Variants in CELF2 observed in about 807,000 individuals in gnomAD.
The protein encoded by CELF2 is CUG triplet repeat RNA-binding protein 2.
CELF2 carries 8 observed loss-of-function variants against 62.6 expected under a neutral mutation model. That is an observed-to-expected ratio of 0.13 (90% CI 0.07 to 0.23). CELF2 has a LOEUF of 0.23. Ranked by LOEUF, CELF2 falls within the 10% of genes least tolerant of loss-of-function variation. The pLI is 1.00. For synonymous variants in CELF2, 258 were observed against 250.0 expected (o/e 1.03, Z -0.30); for missense variants, 333 against 671.0 (o/e 0.50, Z 5.56).
At chr10:11,221,847 T>C (rs2064967359) in intron 3 of CELF2, among the ~76,000 whole-genome samples, 1 of 152,240 alleles carries the variant, frequency 6.6e-6, no homozygotes, top group African/African-American at 2.4e-5. Flanking sequence ...AGAACATTTG[T>C]TTAGAGTGCT....
At chr10:10,678,144 T>C in the CELF2 span, among the ~76,000 whole-genome samples, 1 of 152,326 alleles carries the variant, frequency 6.6e-6, no homozygotes, top group Non-Finnish European at 1.5e-5. Flanking sequence ...TTCTCTTTAT[T>C]GCCTGTAAAA....
chr10:11,127,335 A>C (rs778620716), intron 1 of CELF2, among the ~76,000 whole-genome samples: 1 of 152,166 alleles, frequency 6.6e-6, no homozygotes, highest in Non-Finnish European at 1.5e-5. Context: ...GCTATTGTGA[A>C]TAGTGCCCCA....
chr10:10,662,750 C>G, the CELF2 span, among the ~76,000 whole-genome samples: 2 of 151,990 alleles, frequency 1.3e-5, no homozygotes, highest in Non-Finnish European at 2.9e-5. Context: ...TAGGCAAGAG[C>G]CTTGGAATCT....
In CELF2 at chr10:10,828,000, TAAAAAAA is replaced by T. The variant is rs66721705; in HGVS notation, c.53+29201_53+29207del. On this transcript the variant is annotated intron_variant, in intron 1 of 13. Transcript: ENST00000636488. ...TCATACCCGTCAGGAAGGCTAGTCTTAAAAAAAAAAAAAAAAAAAAAAAAGCAGAAAA... is the reference window on the plus strand; with the variant it reads ...TCATACCCGTCAGGAAGGCTAGTCTTAAAAAAAAAAAAAAAAAGCAGAAAA... Among the ~76,000 whole-genome samples, 89 of 60,716 alleles carry T rather than the reference TAAAAAAA, an allele frequency of 1.5e-3. No homozygotes were observed. The Middle Eastern group carries it at 0.048, about 33-fold the overall frequency. The allele number at this position is 60,716 out of a possible 152,430, so 39.8% of individuals were successfully genotyped here. A position where few individuals can be genotyped will look rare whatever the true frequency, so the allele number is the denominator to read the frequency against.
chr10:11,007,151 T>A (rs1214612958), intron 1 of CELF2, among the ~76,000 whole-genome samples: 1 of 152,236 alleles, frequency 6.6e-6, no homozygotes, highest in Non-Finnish European at 1.5e-5. Flanking sequence ...TTAGTACATT[T>A]ATAGAGAGAG....
chr10:11,184,985 C>T (rs2074446908), intron 2 of CELF2, among the ~76,000 whole-genome samples: 1 of 152,198 alleles, frequency 6.6e-6, no homozygotes, highest in African/African-American at 2.4e-5. Flanking sequence ...TTTCTTTACA[C>T]TGAAAAGCAT....
chr10:10,574,027 G>C, the CELF2 span, among the ~76,000 whole-genome samples: 2 of 152,150 alleles, frequency 1.3e-5, no homozygotes, highest in East Asian at 3.9e-4. Context: ...ATCTGATCTG[G>C]TCACAGAGGA....
chr10:10,696,712 G>A, the CELF2 span, among the ~76,000 whole-genome samples: 6 of 152,294 alleles, frequency 3.9e-5, no homozygotes, highest in African/African-American at 7.2e-5. Flanking sequence ...GTGGTGCGCC[G>A]TTTTTTAAGC....
At chr10:10,545,064 C>T in the CELF2 span, among the ~76,000 whole-genome samples, 35,704 of 152,068 alleles carry the variant, frequency 0.23, 4,440 homozygotes, top group Non-Finnish European at 0.29. Flanking sequence ...CTTTGATACA[C>T]GCGTAGGACT....
the CELF2 span, among the ~76,000 whole-genome samples, chr10:10,685,420 G>A: frequency 6.6e-6 from 1 of 152,166 alleles, no homozygotes; most frequent in Non-Finnish European, 1.5e-5. Flanking sequence ...AAAGTTTAAT[G>A]TCACTTTTAT....
chr10:11,313,003 C>A (rs1386880279), intron 9 of CELF2, among the ~76,000 whole-genome samples: 1 of 152,040 alleles, frequency 6.6e-6, no homozygotes, highest in African/African-American at 2.4e-5. Context: ...TCTAAATACC[C>A]CTAGTAAAAG....
chr10:10,999,189 C>T (rs2054270661), intron 2 of CELF2, among the ~76,000 whole-genome samples: 1 of 152,172 alleles, frequency 6.6e-6, no homozygotes, highest in South Asian at 2.1e-4. Flanking sequence ...TGCGATACAG[C>T]TGCAAGCCAC....
chr10:11,307,249 C>G (rs1421195184), intron 9 of CELF2, among the ~76,000 whole-genome samples: 1 of 152,232 alleles, frequency 6.6e-6, no homozygotes, highest in African/African-American at 2.4e-5. Context: ...CTGGAGGCAC[C>G]TGGATGGGGG....
chr10:10,601,172 G>T, the CELF2 span, among the ~76,000 whole-genome samples: 1 of 152,202 alleles, frequency 6.6e-6, no homozygotes, highest in African/African-American at 2.4e-5. Flanking sequence ...CTCCAGGACT[G>T]AATGGGGTTT....
the CELF2 span, among the ~76,000 whole-genome samples, chr10:10,472,277 A>G: frequency 1.3e-5 from 2 of 151,732 alleles, no homozygotes; most frequent in Non-Finnish European, 2.9e-5. Flanking sequence ...TTTTCTATCA[A>G]TGTGTATCCT....
At chr10:11,245,428 C>G (rs1337456830) in intron 3 of CELF2, among the ~76,000 whole-genome samples, 1 of 152,226 alleles carries the variant, frequency 6.6e-6, no homozygotes, top group East Asian at 1.9e-4. Flanking sequence ...GGTCACAGTG[C>G]TTTGCATACA....
At chr10:11,076,179 G>A (rs377031514) in intron 1 of CELF2, among the ~76,000 whole-genome samples, 6 of 152,120 alleles carry the variant, frequency 3.9e-5, no homozygotes, top group South Asian at 2.1e-4. Flanking sequence ...CTTGTTAACA[G>A]CATTGGCCTG....
intron 5 of CELF2, among the ~76,000 whole-genome samples, chr10:11,264,764 G>C (rs901677899): frequency 6.6e-6 from 1 of 152,180 alleles, no homozygotes; most frequent in Non-Finnish European, 1.5e-5. Context: ...CTAAATTGCT[G>C]TTATTGATGA....
chr10:10,697,307 G>C, the CELF2 span, among the ~76,000 whole-genome samples: 1 of 152,120 alleles, frequency 6.6e-6, no homozygotes, highest in African/African-American at 2.4e-5. Flanking sequence ...GAGAATGAGT[G>C]ATACATTACC....
Sources: allele counts gnomAD v4.1 joint callset (sites outside exome capture counted in the v4.1 genomes callset), GRCh38; gene constraint gnomAD v4.1.1; transcripts MANE v1.5; gene names NCBI Gene and HGNC (gene_info 2026-07-23, HGNC 2026-07-21).